Variants in BICD1 observed in about 807,000 individuals in gnomAD.
BICD1 encodes the protein BICD cargo adaptor 1.
Under a neutral mutation model 92.5 loss-of-function variants are expected in BICD1, and 35 were observed. The observed-to-expected ratio is 0.38, with a 90% CI of 0.29 to 0.50. BICD1 has a LOEUF of 0.50. Ranked by LOEUF, BICD1 falls within the 20% of genes least tolerant of loss-of-function variation. BICD1 has a pLI of 0.93. For synonymous variants in BICD1, 429 were observed against 465.1 expected (o/e 0.92, Z 1.00); for missense variants, 950 against 1,189.8 (o/e 0.80, Z 2.97).
At chr12:32,199,688 C>T (rs1944848147) in intron 1 of BICD1, among the ~76,000 whole-genome samples, 1 of 152,138 alleles carries the variant, frequency 6.6e-6, no homozygotes, top group South Asian at 2.1e-4. Context: ...GAAGACCTTC[C>T]TCTGGAGCCT....
chr12:32,206,640 C>A (rs983654917), intron 1 of BICD1, among the ~76,000 whole-genome samples: 1 of 152,118 alleles, frequency 6.6e-6, no homozygotes, highest in African/African-American at 2.4e-5. Context: ...ACTCTTCCTT[C>A]AGCAAATGTA....
chr12:32,340,554 T>G, intron 8 of BICD1: 12 of 898,270 alleles, frequency 1.3e-5, no homozygotes, highest in Non-Finnish European at 1.6e-5. Flanking sequence ...TGCTGTTTAA[T>G]TAAAAAGATA....
chr12:32,183,089 C>T (rs538425110), intron 1 of BICD1, among the ~76,000 whole-genome samples: 50 of 151,220 alleles, frequency 3.3e-4, no homozygotes, highest in African/African-American at 1.2e-3. Flanking sequence ...TTTGTAGAGA[C>T]GGAGTCTTGC....
rs752420988 is a variant in BICD1 at position 32,107,538 on chromosome 12, C to T, written c.207C>T (p.Leu69=). 1 of 1,583,524 alleles carries T rather than the reference C, an allele frequency of 6.3e-7. No homozygotes were observed. Among genetic ancestry groups the T allele is most frequent in the Admixed American group, 1.8e-5 (1 of 54,514 alleles). The stretch of plus-strand genomic sequence containing the variant: ...GCCTCAAACAGGAGCTGGAGCAGCT[C>T]AAAGAGGTGAGTTGCCTGTCACCTC... ...YDSLKQELEQ[L]KEAFGQSFSI... is the part of the protein sequence containing the mutation. The change falls in exon 1 of 10, where the codon CTC becomes CTT. Residue 69 remains leucine (L), a synonymous_variant. Transcript: ENST00000652176.
chr12:32,288,477 T>C (rs1947639823), intron 2 of BICD1, among the ~76,000 whole-genome samples: 1 of 151,996 alleles, frequency 6.6e-6, no homozygotes. Context: ...CTCAAACTCC[T>C]GGACTCAAGT....
intron 3 of BICD1, among the ~76,000 whole-genome samples, chr12:32,296,242 A>AG (rs1218571246): frequency 2.4e-5 from 3 of 124,096 alleles, no homozygotes; most frequent in African/African-American, 6.4e-5. Context: ...TAAAATAAGA[A>AG]GGGGTTTTTT....
chr12:32,296,504 G>A (rs557511267), intron 3 of BICD1, among the ~76,000 whole-genome samples: 43 of 151,812 alleles, frequency 2.8e-4, no homozygotes, highest in Middle Eastern at 3.4e-3. Context: ...TGATCTGCCC[G>A]CCTCAGCCTC....
chr12:32,312,489 T>G (rs773443869), intron 4 of BICD1, among the ~76,000 whole-genome samples: 3 of 152,172 alleles, frequency 2.0e-5, no homozygotes, highest in African/African-American at 4.8e-5. Context: ...GGTTTCGAGA[T>G]GCCAAGAAGG....
At chr12:32,157,287 T>C (rs1221541710) in intron 1 of BICD1, among the ~76,000 whole-genome samples, 3 of 152,234 alleles carry the variant, frequency 2.0e-5, no homozygotes, top group African/African-American at 7.2e-5. Context: ...TTTTAATGCA[T>C]GTCTTTTAAT....
At chr12:32,119,485 A>C (rs1178577430) in intron 1 of BICD1, among the ~76,000 whole-genome samples, 1 of 152,158 alleles carries the variant, frequency 6.6e-6, no homozygotes, top group Non-Finnish European at 1.5e-5. Context: ...TGTGAATCCC[A>C]CTTCCCTTAG....
At chr12:32,246,193 T>C (rs1230247063) in intron 2 of BICD1, among the ~76,000 whole-genome samples, 1 of 151,072 alleles carries the variant, frequency 6.6e-6, no homozygotes, top group Non-Finnish European at 1.5e-5. Context: ...ATATGAATTA[T>C]AGCCAGGTCC....
chr12:32,234,296 C>T (rs1945992918), intron 2 of BICD1, among the ~76,000 whole-genome samples: 1 of 152,094 alleles, frequency 6.6e-6, no homozygotes, highest in African/African-American at 2.4e-5. Flanking sequence ...ACTAAGACAG[C>T]TTTTTAAAAA....
chr12:32,272,173 T>C (rs1947158792), intron 2 of BICD1, among the ~76,000 whole-genome samples: 1 of 152,222 alleles, frequency 6.6e-6, no homozygotes, highest in African/African-American at 2.4e-5. Context: ...GTATAAATCA[T>C]ATACATGTTG....
At chr12:32,343,446 AGGCG>A (rs1380656046) in intron 8 of BICD1, among the ~76,000 whole-genome samples, 1 of 152,210 alleles carries the variant, frequency 6.6e-6, no homozygotes, top group Non-Finnish European at 1.5e-5. Flanking sequence ...TGTAATTCAC[AGGCG>A]GGAGTTGTTA....
At chr12:32,185,618 C>G (rs1944405790) in intron 1 of BICD1, among the ~76,000 whole-genome samples, 1 of 152,220 alleles carries the variant, frequency 6.6e-6, no homozygotes, top group African/African-American at 2.4e-5. Context: ...TCACACTTTA[C>G]AAAGCAAGTC....
At chr12:32,306,506 G>A (rs1188855918) in intron 4 of BICD1, among the ~76,000 whole-genome samples, 3 of 151,986 alleles carry the variant, frequency 2.0e-5, no homozygotes, top group Non-Finnish European at 2.9e-5. Flanking sequence ...GGCCTCCAAA[G>A]TGCTGGGATT....
chr12:32,191,508 T>C (rs1358783812), intron 1 of BICD1, among the ~76,000 whole-genome samples: 1 of 150,778 alleles, frequency 6.6e-6, no homozygotes, highest in Non-Finnish European at 1.5e-5. Flanking sequence ...GCTCACTCTG[T>C]GTCTCTGTGT....
At chr12:32,220,100 G>C (rs1945471201) in intron 2 of BICD1, among the ~76,000 whole-genome samples, 1 of 152,130 alleles carries the variant, frequency 6.6e-6, no homozygotes, top group Non-Finnish European at 1.5e-5. Context: ...ATTCAAGATG[G>C]ATTAAAGACT....
intron 2 of BICD1, among the ~76,000 whole-genome samples, chr12:32,225,621 G>GTTTTTTTTTTTTTTTTTTTTTTTTTTT (rs58895470): frequency 3.0e-4 from 28 of 92,778 alleles, no homozygotes; most frequent in Admixed American, 6.9e-4. Context: ...CTTTTTTTCT[G>GTTTTTTTTTTTTTTTTTTTTTTTTTTT]TTTTTTTTTT....
Sources: allele counts gnomAD v4.1 joint callset (sites outside exome capture counted in the v4.1 genomes callset), GRCh38; gene constraint gnomAD v4.1.1; transcripts MANE v1.5; gene names NCBI Gene and HGNC (gene_info 2026-07-23, HGNC 2026-07-21).